The following ARID4B variants were observed in gnomAD, a reference collection of about 807,000 sequenced individuals.
ARID4B encodes the protein AT-rich interactive domain-containing protein 4B.
A neutral mutation model predicts 147.5 loss-of-function variants in ARID4B; 26 were observed. That is an observed-to-expected ratio of 0.18 (90% CI 0.13 to 0.24). ARID4B has a LOEUF of 0.24. ARID4B is among the 10% of genes least tolerant of loss of function. The probability of loss-of-function intolerance (pLI) is 1.00; values close to 1 mark genes in which losing one functional copy is unlikely to be tolerated. For missense variants in ARID4B, 1,179 were observed against 1,511.5 expected (o/e 0.78, Z 3.65); for synonymous variants, 512 against 507.9 (o/e 1.01, Z -0.11).
intron 2 of ARID4B, among the ~76,000 whole-genome samples, chr1:235,293,265 T>C (rs1672458786): frequency 6.6e-6 from 1 of 152,248 alleles, no homozygotes; most frequent in South Asian, 2.1e-4. Flanking sequence ...TTTTCCTCTC[T>C]TATTTTTTAC....
chr1:235,223,684 CATT>C (rs1656547616), intron 12 of ARID4B, among the ~76,000 whole-genome samples: 2 of 117,144 alleles, frequency 1.7e-5, no homozygotes, highest in Admixed American at 8.9e-5. Flanking sequence ...AGTAAAGCTA[CATT>C]TTTTTTTTTT....
At chr1:235,322,737 A>G (rs1225842892) in intron 2 of ARID4B, among the ~76,000 whole-genome samples, 2 of 152,098 alleles carry the variant, frequency 1.3e-5, no homozygotes, top group Non-Finnish European at 2.9e-5. Context: ...CCTTCATTCT[A>G]TATTACCTGA....
intron 7 of ARID4B, among the ~76,000 whole-genome samples, chr1:235,242,247 CA>C (rs68058640): frequency 0.51 from 64,366 of 127,040 alleles, 14,129 homozygotes; most frequent in South Asian, 0.62. Context: ...GACTCCGTCT[CA>C]AAAAAAAAAA....
chr1:235,195,331 A>G (rs998899388), intron 18 of ARID4B, among the ~76,000 whole-genome samples: 4 of 152,128 alleles, frequency 2.6e-5, no homozygotes, highest in African/African-American at 9.7e-5. Context: ...GGTGGCTCAC[A>G]CCTATAATCC....
Position 235,182,220 on chromosome 1 carries a change from T to G in ARID4B, c.2699A>C (p.Glu900Ala). The change falls in exon 20 of 24, where the codon GAA (glutamate) becomes GCA (alanine). Residue 900 changes from glutamate (E) to alanine (A), a missense_variant. By Grantham distance (107) the Glu-to-Ala change is moderately radical. Coordinates refer to ENST00000264183, the MANE Select transcript of ARID4B (RefSeq NM_016374.6). ...RTTGFYSGFS[E>A]VAEKRIKLLN... is the part of the protein sequence containing the mutation. ...AAGTTTAATCCTTTTTTCTGCCACT[T>G]CTGAAAATCCTGAATAGAAACCAGT... 1 of 1,613,550 alleles carries G rather than the reference T, an allele frequency of 6.2e-7. No homozygotes were observed. The highest frequency in any genetic ancestry group is 8.5e-7 in the Non-Finnish European group (1 of 1,179,914).
At chr1:235,229,054 T>C (rs190025196) in intron 11 of ARID4B, 177 bp downstream of exon 11, 31 of 700,110 alleles carry the variant, frequency 4.4e-5, no homozygotes, top group Admixed American at 6.9e-5. Flanking sequence ...CACAAGATCA[T>C]ATATCTAAAG....
At chr1:235,236,362 ATCC>A (rs1668553403) in intron 8 of ARID4B, among the ~76,000 whole-genome samples, 1 of 152,086 alleles carries the variant, frequency 6.6e-6, no homozygotes, top group Non-Finnish European at 1.5e-5. Context: ...AATATTAAAA[ATCC>A]TTAGATTTTT....
At chr1:235,290,169 G>A (rs1422433292) in intron 2 of ARID4B, among the ~76,000 whole-genome samples, 1 of 152,152 alleles carries the variant, frequency 6.6e-6, no homozygotes, top group Non-Finnish European at 1.5e-5. Flanking sequence ...ATGTAAATCT[G>A]TATAACCTGA....
chr1:235,247,848 C>G (rs994737877), intron 6 of ARID4B, among the ~76,000 whole-genome samples: 2 of 151,920 alleles, frequency 1.3e-5, no homozygotes, highest in Non-Finnish European at 2.9e-5. Flanking sequence ...ATTAGCCTGG[C>G]ATGGTGGTGG....
chr1:235,235,059 G>A (rs1416296165), intron 8 of ARID4B, among the ~76,000 whole-genome samples: 3 of 152,206 alleles, frequency 2.0e-5, no homozygotes, highest in Non-Finnish European at 4.4e-5. Flanking sequence ...TGGCTTGGAT[G>A]TAAAGTGGTG....
At chr1:235,246,710 GA>G (rs200543707) in intron 6 of ARID4B, among the ~76,000 whole-genome samples, 199 bp from the exon 7 acceptor site, 79 of 150,844 alleles carry the variant, frequency 5.2e-4, no homozygotes, top group African/African-American at 1.6e-3. Context: ...CTCATTACTG[GA>G]AAAAAAAAGT....
intron 17 of ARID4B, among the ~76,000 whole-genome samples, chr1:235,211,663 C>T (rs1367331944): frequency 2.6e-5 from 4 of 152,220 alleles, no homozygotes; most frequent in South Asian, 2.1e-4. Flanking sequence ...ACTGCAGCCT[C>T]GAATTCCTGG....
chr1:235,209,370 C>G (rs1469098775), intron 17 of ARID4B, among the ~76,000 whole-genome samples: 3 of 151,982 alleles, frequency 2.0e-5, no homozygotes, highest in Non-Finnish European at 4.4e-5. Context: ...ACTTGGGAGG[C>G]TGAGACAGGG....
chr1:235,293,962 GTTA>G (rs960682669), intron 2 of ARID4B, among the ~76,000 whole-genome samples: 3 of 152,146 alleles, frequency 2.0e-5, no homozygotes, highest in African/African-American at 7.2e-5. Flanking sequence ...TCTTAAAATA[GTTA>G]TTAAGTAATT....
At chr1:235,319,560 CA>C (rs1674680708) in intron 2 of ARID4B, among the ~76,000 whole-genome samples, 1 of 152,104 alleles carries the variant, frequency 6.6e-6, no homozygotes, top group African/African-American at 2.4e-5. Flanking sequence ...AATTATATCT[CA>C]TTTTTTTTAA....
At position 235,223,685 on chromosome 1, in the gene ARID4B, AT is replaced by A. The variant is rs58659735; in HGVS notation, c.971-426del. 7.8e-3 allele frequency among the ~76,000 whole-genome samples: 1,048 copies of A among 134,626 alleles called. 14 individuals are homozygous for A. The highest frequency in any genetic ancestry group is 0.011 in the African/African-American group (409 of 36,722). The allele number at this position is 134,626 out of a possible 152,430, so 88.3% of individuals were successfully genotyped here. ...AATAATGATTCTATAGTAAAGCTAC[AT>A]TTTTTTTTTTTTTTCATTCTAACAC... On this transcript the variant is annotated intron_variant, in intron 12 of 23. Coordinates refer to ENST00000264183, the MANE Select transcript of ARID4B (RefSeq NM_016374.6).
intron 16 of ARID4B, among the ~76,000 whole-genome samples, chr1:235,215,575 GTGTGTA>G (rs1176793102): frequency 3.7e-4 from 54 of 145,662 alleles, no homozygotes; most frequent in African/African-American, 1.1e-3. Context: ...GTGTGTGTGT[GTGTGTA>G]TATATTTTTC....
At chr1:235,315,133 C>G (rs909962145) in intron 2 of ARID4B, among the ~76,000 whole-genome samples, 4 of 152,124 alleles carry the variant, frequency 2.6e-5, no homozygotes, top group African/African-American at 9.7e-5. Flanking sequence ...GTATCTGTCC[C>G]ATTGTCCAGG....
At chr1:235,276,653 C>T (rs907868823) in intron 2 of ARID4B, among the ~76,000 whole-genome samples, 3 of 150,078 alleles carry the variant, frequency 2.0e-5, no homozygotes, top group Non-Finnish European at 4.4e-5. Flanking sequence ...CACAGCAAGA[C>T]CCTGTCTCTT....
Sources: gnomAD v4.1 joint callset for allele counts (sites outside exome capture counted in the v4.1 genomes callset) on GRCh38, gnomAD v4.1.1 for gene constraint, MANE v1.5 for transcripts, NCBI Gene and HGNC (gene_info 2026-07-23, HGNC 2026-07-21) for gene names.